Variants in NEIL1 observed in about 807,000 individuals in gnomAD.
NEIL1 encodes nei like DNA glycosylase 1.
A neutral mutation model predicts 44.2 loss-of-function variants in NEIL1; 31 were observed. The ratio of observed to expected loss-of-function variants is 0.70; its 90% CI spans 0.53 to 0.95. NEIL1 has a LOEUF of 0.95. Ranked by LOEUF, NEIL1 falls within the 40% of genes least tolerant of loss-of-function variation. NEIL1 has a pLI of 0.00. For missense variants in NEIL1, 549 were observed against 515.5 expected (o/e 1.07, Z -0.63); for synonymous variants, 254 against 209.7 (o/e 1.21, Z -1.83).
At chr15:75,353,984 C>G (rs2072140778) in intron 6 of NEIL1, 118 bp downstream of exon 6, 10 of 1,378,920 alleles carry the variant, frequency 7.3e-6, no homozygotes, top group Non-Finnish European at 1.0e-5. Context: ...AAGGACCACA[C>G]TGTTCCTGAG....
At chr15:75,352,477 C>A in intron 4 of NEIL1, 90 bp downstream of exon 4, 3 of 1,568,576 alleles carry the variant, frequency 1.9e-6, no homozygotes, top group Non-Finnish European at 2.6e-6. Flanking sequence ...GTGTCCCCAG[C>A]TTAGCTCAAC....
Position 75,352,109 on chromosome 15 carries a change from A to G in NEIL1, c.435-2A>G. 1 of 1,614,112 alleles carries G rather than the reference A, an allele frequency of 6.2e-7. No individual in the cohort carries two copies. The highest frequency in any genetic ancestry group is 1.6e-4 in the Middle Eastern group (1 of 6,062). ...TTACGCACCCAGACCGTGTTCCTCC[A>G]GGGAGAATGTGCTACGAAACCTAGC... On this transcript the variant is annotated splice_acceptor_variant, in intron 2 of 9. Transcript: ENST00000355059. LOFTEE classifies it high-confidence loss of function.
At chr15:75,350,837 G>A (rs531312826) in intron 2 of NEIL1, among the ~76,000 whole-genome samples, 12 of 152,286 alleles carry the variant, frequency 7.9e-5, no homozygotes, top group South Asian at 2.1e-4. Flanking sequence ...CAGCTGGGGC[G>A]TGTGGCAATT....
rs577822604 is a variant in NEIL1 at position 75,349,345 on chromosome 15, G to A, written c.434+6G>A. The A allele has an allele frequency of 1.1e-4, 182 of 1,595,608 alleles. 4 individuals are homozygous for A. The South Asian group carries it at 1.8e-3, about 16-fold the overall frequency. On this transcript the variant is annotated splice_donor_region_variant and intron_variant, in intron 2 of 9. Coordinates refer to ENST00000355059, the MANE Select transcript of NEIL1 (RefSeq NM_024608.4). ...CAGGAGTACCAGCAGTTCAGGTAGG[G>A]CCAGCACCAGGTGTGATGAACATAG...
intron 2 of NEIL1, 26 bp downstream of exon 2, chr15:75,349,365 A>G: frequency 1.3e-6 from 2 of 1,570,852 alleles, no homozygotes; most frequent in East Asian, 4.5e-5. Context: ...GGTGTGATGA[A>G]CATAGTCGCG....
At position 75,356,268 on chromosome 15, in the gene NEIL1, G is replaced by A. The variant is rs748177648; in HGVS notation, c.*1234G>A. The A allele has an allele frequency of 2.5e-5, 40 of 1,611,758 alleles. No homozygotes were observed. The highest frequency in any genetic ancestry group is 2.2e-4 in the South Asian group (20 of 90,736). Reference sequence around the variant, plus strand: ...GAGGGGCCGAGGGCAGGCCCAGTTCGGAACCCCGTCCCCAGCACGTCCCAC... The same window carrying A: ...GAGGGGCCGAGGGCAGGCCCAGTTCAGAACCCCGTCCCCAGCACGTCCCAC... On this transcript the variant is annotated 3_prime_UTR_variant, in exon 10 of 10. Transcript: ENST00000355059. The surrounding 1 kb of genome is among the most constrained non-coding windows in gnomAD (Gnocchi z 5.8).
Position 75,354,818 on chromosome 15 carries a change from G to C in NEIL1, c.1102G>C (p.Gly368Arg), listed in dbSNP as rs2072222777. Residue 368 changes from glycine (G) to arginine (R), a missense_variant and splice_region_variant, in exon 9 of 10, where the codon GGC becomes CGC. Transcript: ENST00000355059. Reference protein sequence around the residue: ...GRRKGRQAASGHCRPRKVKAD... With the variant: ...GRRKGRQAASRHCRPRKVKAD... ...GAGGAAGGGGCGACAGGCAGCCTCT[G>C]GTGGGCTTTCCTCATCACTCCCAGA... 1.2e-6 allele frequency: 2 copies of C among 1,613,980 alleles called. No individual in the cohort carries two copies. Among genetic ancestry groups the C allele is most frequent in the East Asian group, 4.5e-5 (2 of 44,890 alleles).
chr15:75,355,954 G>A lies in NEIL1; in HGVS notation c.*920G>A, dbSNP rs753250089. The A allele has an allele frequency of 1.2e-6, 2 of 1,614,094 alleles. No individual in the cohort carries two copies. Among genetic ancestry groups the A allele is most frequent in the East Asian group, 2.2e-5 (1 of 44,902 alleles). ...CGAGCAACAGGGACAGCACTTGGAA[G>A]GGAGAAAAGGTGAGCTTCAGGCGGT... On this transcript the variant is annotated 3_prime_UTR_variant, in exon 10 of 10. Transcript: ENST00000355059.
chr15:75,352,274 G>A (rs755236332), intron 3 of NEIL1, 44 bp downstream of exon 3: 3 of 1,614,058 alleles, frequency 1.9e-6, no homozygotes, highest in Non-Finnish European at 8.5e-7. Flanking sequence ...TGGGCCAGGT[G>A]TGCCCACATT....
At chr15:75,348,143 G>T in intron 1 of NEIL1, 7 of 711,882 alleles carry the variant, frequency 9.8e-6, no homozygotes, top group Non-Finnish European at 1.3e-5. Context: ...TCCTCCTGCG[G>T]AGCCATGGGG....
rs1373376934 is a variant in NEIL1 at position 75,350,448 on chromosome 15, G to A, written c.434+1109G>A. Among the ~76,000 whole-genome samples the A allele has an allele frequency of 3.3e-5, 5 of 152,178 alleles. No homozygotes were observed. In the East Asian group the frequency reaches 9.6e-4, roughly 29 times the overall value. ...GTACATTAGCAATGGCCACTCTAGG[G>A]AGGTTTGAGCTGAGGCCTGACTGAT... On this transcript the variant is annotated intron_variant, in intron 2 of 9. Transcript: ENST00000355059.
At chr15:75,348,612 C>T in intron 1 of NEIL1, 1 of 1,332,920 alleles carries the variant, frequency 7.5e-7, no homozygotes, top group Non-Finnish European at 9.6e-7. Flanking sequence ...TTGGGACTTT[C>T]GTCTAAACGC....
At chr15:75,347,958 G>A in intron 1 of NEIL1, 2 of 1,248,970 alleles carry the variant, frequency 1.6e-6, no homozygotes. Context: ...TTCCACTTAA[G>A]GCACACCTTC....
intron 1 of NEIL1, chr15:75,348,144 A>G (rs939353961): frequency 4.2e-6 from 3 of 707,394 alleles, no homozygotes; most frequent in Admixed American, 1.1e-4. Context: ...CCTCCTGCGG[A>G]GCCATGGGGA....
chr15:75,348,119 C>A, intron 1 of NEIL1: 1 of 816,442 alleles, frequency 1.2e-6, no homozygotes, highest in South Asian at 2.6e-5. Flanking sequence ...GGGAGCCCTT[C>A]CTGGTGCCCG....
At chr15:75,347,623 T>G in intron 1 of NEIL1, 150 bp downstream of exon 1, 1 of 190,986 alleles carries the variant, frequency 5.2e-6, no homozygotes, top group Non-Finnish European at 1.0e-5. Context: ...GTTAACCCTT[T>G]AGTGGCTGCA....
In NEIL1 at chr15:75,355,847, G is replaced by A. The variant is rs2072274426; in HGVS notation, c.*813G>A. 1 of 1,600,332 alleles carries A rather than the reference G, an allele frequency of 6.2e-7. No individual in the cohort carries two copies. Among genetic ancestry groups the A allele is most frequent in the Non-Finnish European group, 8.5e-7 (1 of 1,171,230 alleles). On this transcript the variant is annotated 3_prime_UTR_variant, in exon 10 of 10. Coordinates refer to ENST00000355059, the MANE Select transcript of NEIL1 (RefSeq NM_024608.4). Reference sequence around the variant, plus strand: ...AAGACTGATCCCTGCTTTAGGCTGGGGAAGCAGAAATTAGGAGTCCCCAGA... The same window carrying A: ...AAGACTGATCCCTGCTTTAGGCTGGAGAAGCAGAAATTAGGAGTCCCCAGA...
Position 75,355,373 on chromosome 15 carries a change from C to CT in NEIL1, c.*340dup. The CT allele has an allele frequency of 3.4e-6, 1 of 297,670 alleles. No homozygotes were observed. The highest frequency in any genetic ancestry group is 3.7e-5 in the South Asian group (1 of 27,038). The allele number at this position is 297,670 out of a possible 1,614,324, so 18.4% of individuals were successfully genotyped here. A position where few individuals can be genotyped will look rare whatever the true frequency, so the allele number is the denominator to read the frequency against. ...CATCCCAGTCCTCAAGGCTCTGACT[C>CT]TATCAGAGGACAGTTTGCCTCTGCA... is the stretch of plus-strand genomic sequence containing the variant. On this transcript the variant is annotated 3_prime_UTR_variant, in exon 10 of 10. Coordinates refer to ENST00000355059, the MANE Select transcript of NEIL1 (RefSeq NM_024608.4).
rs761449790 is a variant in NEIL1 at position 75,355,916 on chromosome 15, G to A, written c.*882G>A. The A allele has an allele frequency of 1.9e-5, 31 of 1,614,072 alleles. No individual in the cohort carries two copies. The highest frequency in any genetic ancestry group is 9.3e-5 in the African/African-American group (7 of 74,936). On this transcript the variant is annotated 3_prime_UTR_variant, in exon 10 of 10. Coordinates refer to ENST00000355059, the MANE Select transcript of NEIL1 (RefSeq NM_024608.4). ...CCCAGCCCCAGGGACTCAGTGTGGCGGAGGCTGAAGCACGAGCAACAGGGA... is the reference window on the plus strand; with the variant it reads ...CCCAGCCCCAGGGACTCAGTGTGGCAGAGGCTGAAGCACGAGCAACAGGGA...
Sources: allele counts gnomAD v4.1 joint callset (sites outside exome capture counted in the v4.1 genomes callset), GRCh38; gene constraint gnomAD v4.1.1; non-coding constraint Gnocchi (gnomAD v3.1); transcripts MANE v1.5; gene names NCBI Gene and HGNC (gene_info 2026-07-23, HGNC 2026-07-21).